NRCAM: variants seen among roughly 807,000 people sequenced by gnomAD.
NRCAM encodes NgCAM-related cell adhesion molecule.
NRCAM carries 83 observed loss-of-function variants against 156.5 expected under a neutral mutation model. The observed-to-expected ratio is 0.53, with a 90% CI of 0.44 to 0.64. NRCAM has a LOEUF of 0.64. Ranked by LOEUF, NRCAM falls within the 30% of genes least tolerant of loss-of-function variation. NRCAM has a pLI of 0.00. For synonymous variants in NRCAM, 538 were observed against 563.9 expected (o/e 0.95, Z 0.65); for missense variants, 1,417 against 1,597.3 (o/e 0.89, Z 1.92).
chr7:108,428,498 A>G (rs1268522323), intron 1 of NRCAM, among the ~76,000 whole-genome samples: 2 of 152,192 alleles, frequency 1.3e-5, no homozygotes, highest in Admixed American at 6.5e-5. Flanking sequence ...TGAGAAGACT[A>G]TATGTTCCTG....
chr7:108,335,256 T>A (rs574978382), intron 2 of NRCAM, among the ~76,000 whole-genome samples: 1 of 152,144 alleles, frequency 6.6e-6, no homozygotes, highest in Non-Finnish European at 1.5e-5. Flanking sequence ...ATCATAATCA[T>A]AGGCTTATTA....
chr7:108,409,112 T>G (rs920315088), intron 1 of NRCAM, among the ~76,000 whole-genome samples: 1 of 152,070 alleles, frequency 6.6e-6, no homozygotes, highest in Middle Eastern at 3.2e-3. Context: ...GAGATTCACT[T>G]TGGTCACAGG....
Position 108,452,444 on chromosome 7 carries a change from A to G in NRCAM, c.-332+3799T>C, listed in dbSNP as rs546890854. Among the ~76,000 whole-genome samples the G allele has an allele frequency of 2.9e-4, 44 of 152,282 alleles. 1 individual carries two copies. Among genetic ancestry groups the G allele is most frequent in the African/African-American group, 1.0e-3 (42 of 41,548 alleles). The stretch of plus-strand genomic sequence containing the variant: ...AGAAACTTCAGCCTTTGATCCCAAT[A>G]GAGGCTGTTTTAAACAGAAGGAGCT... On this transcript the variant is annotated intron_variant, in intron 1 of 32. Coordinates refer to ENST00000379028, the MANE Select transcript of NRCAM (RefSeq NM_001037132.4).
intron 1 of NRCAM, among the ~76,000 whole-genome samples, chr7:108,413,080 T>G (rs1279402119): frequency 1.3e-5 from 2 of 152,190 alleles, no homozygotes; most frequent in Non-Finnish European, 1.5e-5. Flanking sequence ...GGTAGTTCTA[T>G]TTTTAATTTT....
chr7:108,400,699 T>C (rs2099789845), intron 1 of NRCAM, among the ~76,000 whole-genome samples: 1 of 152,152 alleles, frequency 6.6e-6, no homozygotes, highest in Non-Finnish European at 1.5e-5. Context: ...TAGAACCCTA[T>C]AAATAGTTCC....
chr7:108,157,796 G>A (rs7783432), intron 32 of NRCAM, among the ~76,000 whole-genome samples: 23,641 of 152,022 alleles, frequency 0.16, 2,388 homozygotes, highest in African/African-American at 0.3. Flanking sequence ...TGAGTAGTAT[G>A]TTGCTAGATT....
intron 3 of NRCAM, among the ~76,000 whole-genome samples, chr7:108,273,334 C>T (rs2097447827): frequency 6.6e-6 from 1 of 152,194 alleles, no homozygotes; most frequent in Non-Finnish European, 1.5e-5. Context: ...CTGTCTTCCA[C>T]AATGGTTGAA....
At chr7:108,442,298 G>C (rs1030026897) in intron 1 of NRCAM, among the ~76,000 whole-genome samples, 1 of 152,142 alleles carries the variant, frequency 6.6e-6, no homozygotes, top group Non-Finnish European at 1.5e-5. Flanking sequence ...CTGCCATTCT[G>C]TGATGGAGGA....
chr7:108,182,792 C>T lies in NRCAM; in HGVS notation c.2433G>A (p.Thr811=), dbSNP rs2064240614. ...ANVSKYIVSG[T]PTFVPYLIKV... is the part of the protein sequence containing the mutation. ...TGATCAGGTATGGAACAAAGGTTGG[C>T]GTGCCTGAGACAATATATTTGGATA... The change falls in exon 23 of 33, where the codon ACG becomes ACA. Residue 811 remains threonine, a synonymous_variant. Transcript: ENST00000379028. 8 of 1,614,208 alleles carry T rather than the reference C, an allele frequency of 5.0e-6. No homozygotes were observed. The highest frequency in any genetic ancestry group is 6.8e-6 in the Non-Finnish European group (8 of 1,180,024).
chr7:108,213,920 C>T (rs996245730), intron 11 of NRCAM, among the ~76,000 whole-genome samples: 1 of 152,170 alleles, frequency 6.6e-6, no homozygotes, highest in African/African-American at 2.4e-5. Flanking sequence ...ATATGTTGAA[C>T]CAGCCTTGCA....
chr7:108,433,146 C>A (rs545118248), intron 1 of NRCAM, among the ~76,000 whole-genome samples: 1 of 152,292 alleles, frequency 6.6e-6, no homozygotes, highest in East Asian at 1.9e-4. Context: ...TTCTGTGCTT[C>A]TGTGTGTAGA....
At chr7:108,370,107 T>C (rs1743657336) in intron 2 of NRCAM, among the ~76,000 whole-genome samples, 1 of 152,176 alleles carries the variant, frequency 6.6e-6, no homozygotes, top group African/African-American at 2.4e-5. Flanking sequence ...TAACTGTAGT[T>C]CTCTATACTT....
intron 3 of NRCAM, among the ~76,000 whole-genome samples, chr7:108,307,210 G>A (rs2300018): frequency 0.23 from 34,243 of 152,164 alleles, 4,149 homozygotes; most frequent in African/African-American, 0.27. Flanking sequence ...AGCAGCAGCC[G>A]GGGAGAAGGC....
chr7:108,333,485 A>T (rs17155485), intron 2 of NRCAM, among the ~76,000 whole-genome samples: 28,208 of 152,132 alleles, frequency 0.19, 3,481 homozygotes, highest in East Asian at 0.44. Flanking sequence ...AAATCACCCT[A>T]GCTGGAAGAG....
chr7:108,324,539 G>A (rs1159857181), intron 2 of NRCAM, among the ~76,000 whole-genome samples: 1 of 151,438 alleles, frequency 6.6e-6, no homozygotes, highest in African/African-American at 2.4e-5. Flanking sequence ...TGACTTGACA[G>A]GATTCTATTG....
At chr7:108,390,928 G>C (rs960823712) in intron 2 of NRCAM, among the ~76,000 whole-genome samples, 1 of 152,210 alleles carries the variant, frequency 6.6e-6, no homozygotes, top group African/African-American at 2.4e-5. Flanking sequence ...TTGCACTGTG[G>C]TCTGAGAGAC....
chr7:108,212,581 C>A (rs775509757), intron 11 of NRCAM, among the ~76,000 whole-genome samples: 5 of 152,090 alleles, frequency 3.3e-5, no homozygotes, highest in Non-Finnish European at 5.9e-5. Flanking sequence ...ACATTGGACA[C>A]ACTTATAGAA....
chr7:108,247,232 T>C (rs763354448), intron 3 of NRCAM, among the ~76,000 whole-genome samples: 2 of 152,200 alleles, frequency 1.3e-5, no homozygotes, highest in Admixed American at 6.5e-5. Context: ...GAATGGTTTA[T>C]TATATAGCCA....
At chr7:108,292,334 T>C (rs186851436) in intron 3 of NRCAM, among the ~76,000 whole-genome samples, 155 of 152,310 alleles carry the variant, frequency 1.0e-3, no homozygotes, top group African/African-American at 3.5e-3. Flanking sequence ...TCCTTTTATG[T>C]AGCACATTTC....
Sources: allele counts gnomAD v4.1 joint callset (sites outside exome capture counted in the v4.1 genomes callset), GRCh38; gene constraint gnomAD v4.1.1; transcripts MANE v1.5; gene names NCBI Gene and HGNC (gene_info 2026-07-23, HGNC 2026-07-21).